Variants in SPIDR observed in about 807,000 individuals in gnomAD.
SPIDR encodes the protein scaffold protein involved in DNA repair.
Under a neutral mutation model 104.6 loss-of-function variants are expected in SPIDR, and 93 were observed. That is an observed-to-expected ratio of 0.89 (90% CI 0.75 to 1.06). The LOEUF (loss-of-function observed/expected upper bound fraction) is 1.06. Among genes scored for constraint, SPIDR ranks in the 50% least tolerant of loss-of-function variants. SPIDR has a pLI of 0.00. For synonymous variants in SPIDR, 431 were observed against 416.9 expected, an observed-to-expected ratio of 1.03 and a Z score of -0.41; for missense variants, 1,154 against 1,111.2, an observed-to-expected ratio of 1.04 and a Z score of -0.55.
chr8:47,704,391 G>C (rs1246514998), intron 14 of SPIDR, among the ~76,000 whole-genome samples: 1 of 152,206 alleles, frequency 6.6e-6, no homozygotes, highest in African/African-American at 2.4e-5. Context: ...CTGGTTATCT[G>C]CTGTCTCTGA....
At chr8:47,681,477 T>C (rs1212483274) in intron 11 of SPIDR, among the ~76,000 whole-genome samples, 1 of 152,220 alleles carries the variant, frequency 6.6e-6, no homozygotes, top group Non-Finnish European at 1.5e-5. Flanking sequence ...GTTTTCCTGA[T>C]TTTTGTTTAA....
chr8:47,485,917 G>C (rs1169886863), intron 8 of SPIDR, among the ~76,000 whole-genome samples: 1 of 152,196 alleles, frequency 6.6e-6, no homozygotes, highest in Admixed American at 6.5e-5. Context: ...GAGCAGAAAA[G>C]CTGAAAATTC....
At chr8:47,409,771 G>A (rs1437841317) in intron 7 of SPIDR, among the ~76,000 whole-genome samples, 1 of 152,168 alleles carries the variant, frequency 6.6e-6, no homozygotes, top group African/African-American at 2.4e-5. Context: ...GCTCATGCCT[G>A]TAATCTCCAT....
intron 8 of SPIDR, among the ~76,000 whole-genome samples, chr8:47,587,451 C>CA (rs1217024518): frequency 4.6e-5 from 7 of 151,012 alleles, no homozygotes; most frequent in African/African-American, 1.5e-4. Flanking sequence ...CAAAAAAATA[C>CA]AAAAAAAATA....
intron 5 of SPIDR, among the ~76,000 whole-genome samples, chr8:47,335,069 T>G (rs1287885887): frequency 1.3e-5 from 2 of 152,336 alleles, no homozygotes; most frequent in East Asian, 1.9e-4. Context: ...TTTACTTACA[T>G]GTAAGCATAC....
chr8:47,322,952 G>A (rs780794509), intron 5 of SPIDR, among the ~76,000 whole-genome samples: 14 of 152,046 alleles, frequency 9.2e-5, no homozygotes, highest in South Asian at 4.1e-4. Context: ...GTGGGGGCAG[G>A]GTGGAGGGAT....
intron 16 of SPIDR, among the ~76,000 whole-genome samples, chr8:47,721,620 T>C (rs1383023847): frequency 1.3e-5 from 2 of 151,878 alleles, no homozygotes; most frequent in Admixed American, 1.3e-4. Context: ...TACAGGCACC[T>C]GCCACCATGC....
At chr8:47,470,287 GTTTTTGT>G in intron 8 of SPIDR, among the ~76,000 whole-genome samples, 1 of 151,882 alleles carries the variant, frequency 6.6e-6, no homozygotes, top group Non-Finnish European at 1.5e-5. Context: ...TTTCGTTTTT[GTTTTTGT>G]TTTTTGTTTT....
intron 11 of SPIDR, among the ~76,000 whole-genome samples, chr8:47,692,420 T>C (rs550608998): frequency 1.3e-5 from 2 of 152,042 alleles, no homozygotes; most frequent in Non-Finnish European, 2.9e-5. Flanking sequence ...GATGTGACCT[T>C]TGGTGTCTTT....
intron 9 of SPIDR, among the ~76,000 whole-genome samples, chr8:47,597,828 C>T (rs150812082): frequency 6.6e-6 from 1 of 152,228 alleles, no homozygotes; most frequent in African/African-American, 2.4e-5. Context: ...ATGAATGGCC[C>T]CTGGGACCAC....
intron 5 of SPIDR, among the ~76,000 whole-genome samples, chr8:47,297,632 G>A (rs1005007638): frequency 4.2e-4 from 64 of 151,644 alleles, no homozygotes; most frequent in Admixed American, 1.1e-3. Flanking sequence ...GACAGGCGCC[G>A]GTGTGTGATG....
chr8:47,565,986 A>AT (rs2057756018), intron 8 of SPIDR, among the ~76,000 whole-genome samples: 1 of 37,322 alleles, frequency 2.7e-5, no homozygotes, highest in African/African-American at 7.0e-5. Context: ...ATATATATAT[A>AT]TATATATTTT....
chr8:47,543,864 AAG>A (rs2088736335), intron 8 of SPIDR, among the ~76,000 whole-genome samples: 1 of 152,172 alleles, frequency 6.6e-6, no homozygotes, highest in South Asian at 2.1e-4. Context: ...CAAAACTTCA[AAG>A]AGGGAGAGGG....
chr8:47,306,946 C>T (rs587691342), intron 5 of SPIDR, among the ~76,000 whole-genome samples: 1 of 152,218 alleles, frequency 6.6e-6, no homozygotes, highest in African/African-American at 2.4e-5. Flanking sequence ...ATATCTTTTT[C>T]TGTCTTTTAA....
intron 10 of SPIDR, among the ~76,000 whole-genome samples, chr8:47,657,991 C>G (rs925095148): frequency 2.3e-5 from 3 of 130,702 alleles, no homozygotes; most frequent in Admixed American, 9.4e-5. Flanking sequence ...GATCATGCCA[C>G]TGCACACCAG....
rs1190583573 is a variant in SPIDR, at chr8:47,599,058, TG to T, written c.1408del (p.Glu470LysfsTer83). ...CTGAGGGATTCTCTCCTGGATGTGGTGGAAAGCCAGGGAGCTGCCTCGTGGC... is the reference window on the plus strand; with the variant it reads ...CTGAGGGATTCTCTCCTGGATGTGGTGAAAGCCAGGGAGCTGCCTCGTGGC... ...TPLRDSLLDV[V>X]ESQGAASWPG... On this transcript the variant is annotated frameshift_variant, in exon 10 of 20. Transcript: ENST00000297423. LOFTEE classifies it high-confidence loss of function. 1 of 1,612,810 alleles carries T rather than the reference TG, an allele frequency of 6.2e-7. No individual in the cohort carries two copies.
chr8:47,690,040 CTT>C (rs1427172593), intron 11 of SPIDR, among the ~76,000 whole-genome samples: 3 of 151,462 alleles, frequency 2.0e-5, no homozygotes, highest in Admixed American at 6.6e-5. Flanking sequence ...TCAGAGCACA[CTT>C]ATAATATTTG....
chr8:47,562,107 T>A (rs1331929363), intron 8 of SPIDR, among the ~76,000 whole-genome samples: 1 of 152,204 alleles, frequency 6.6e-6, no homozygotes, highest in African/African-American at 2.4e-5. Context: ...AGTGATCACA[T>A]CCACTTATAA....
chr8:47,655,598 G>T (rs1438820299), intron 10 of SPIDR, among the ~76,000 whole-genome samples: 26 of 152,074 alleles, frequency 1.7e-4, no homozygotes, highest in Admixed American at 5.2e-4. Context: ...TAAATTTGTT[G>T]GAGTTCATTG....
Sources: allele counts gnomAD v4.1 joint callset (sites outside exome capture counted in the v4.1 genomes callset), GRCh38; gene constraint gnomAD v4.1.1; transcripts MANE v1.5; gene names NCBI Gene and HGNC (gene_info 2026-07-23, HGNC 2026-07-21).